Variants in CNIH3 observed in about 807,000 individuals in gnomAD.
CNIH3 encodes the protein cornichon family AMPA receptor auxiliary protein 3, also known as protein cornichon homolog 3.
Under a neutral mutation model 24.1 loss-of-function variants are expected in CNIH3, and 14 were observed. The observed-to-expected ratio is 0.58, with a 90% CI of 0.38 to 0.91. CNIH3 has a LOEUF of 0.91. Ranked by LOEUF, CNIH3 falls within the 40% of genes least tolerant of loss-of-function variation. CNIH3 has a pLI of 0.00. For synonymous variants in CNIH3, 68 were observed against 73.8 expected (o/e 0.92, Z 0.40); for missense variants, 178 against 196.8 (o/e 0.90, Z 0.57).
At chr1:224,474,396 A>T (rs1423654406) in intron 1 of CNIH3, among the ~76,000 whole-genome samples, 5 of 151,952 alleles carry the variant, frequency 3.3e-5, no homozygotes. Context: ...TTCAAGAAAA[A>T]GTTTTCTTGA....
intron 3 of CNIH3, among the ~76,000 whole-genome samples, chr1:224,603,214 T>C (rs1321885733): frequency 6.6e-6 from 1 of 152,218 alleles, no homozygotes; most frequent in Non-Finnish European, 1.5e-5. Flanking sequence ...GAGATGAACA[T>C]AGAGTAGCTC....
downstream of CNIH3, among the ~76,000 whole-genome samples, chr1:224,591,482 T>C (rs112245875): frequency 7.2e-4 from 109 of 152,332 alleles, no homozygotes; most frequent in African/African-American, 2.5e-3. Context: ...ATGAGTTTCT[T>C]GGAGGCCCAT....
At chr1:224,495,813 G>A (rs1213139764) in intron 1 of CNIH3, among the ~76,000 whole-genome samples, 1 of 152,118 alleles carries the variant, frequency 6.6e-6, no homozygotes. Flanking sequence ...CTGAGTGTGG[G>A]CATCATGGCT....
intron 1 of CNIH3, among the ~76,000 whole-genome samples, chr1:224,446,872 C>T (rs888788339): frequency 2.0e-5 from 3 of 152,062 alleles, no homozygotes; most frequent in African/African-American, 7.2e-5. Context: ...AGACTGGACC[C>T]AGCTGAGCCC....
chr1:224,445,062 C>T (rs1456409043), intron 1 of CNIH3, among the ~76,000 whole-genome samples: 1 of 151,896 alleles, frequency 6.6e-6, no homozygotes, highest in Admixed American at 6.6e-5. Context: ...AACCATCACC[C>T]AGGTCATGAA....
At position 224,684,471 on chromosome 1, in the gene CNIH3, T is replaced by C. The variant is rs1209834665; in HGVS notation, c.151-325T>C. 6.6e-6 allele frequency among the ~76,000 whole-genome samples: 1 copy of C among 152,206 alleles called. No individual in the cohort carries two copies. Among genetic ancestry groups the C allele is most frequent in the Non-Finnish European group, 1.5e-5 (1 of 68,036 alleles). On this transcript the variant is annotated intron_variant, in intron 2 of 5. Transcript: ENST00000272133. This position sits in a 1 kb window ranked among gnomAD's most constrained non-coding sequence, Gnocchi z 4.2. ...TGAACACGAGGTACCATTCAGCAGTTTGACCACCTTATACGTACATGGAGG... is the reference window on the plus strand; with the variant it reads ...TGAACACGAGGTACCATTCAGCAGTCTGACCACCTTATACGTACATGGAGG...
intron 5 of CNIH3, chr1:224,587,330 G>C (rs1274668276): frequency 4.6e-5 from 7 of 152,366 alleles, no homozygotes; most frequent in Admixed American, 4.6e-4. Flanking sequence ...CCCTGCAGTA[G>C]GACATCGGTG....
intron 2 of CNIH3, among the ~76,000 whole-genome samples, chr1:224,536,087 C>T (rs1679270367): frequency 6.6e-6 from 1 of 152,070 alleles, no homozygotes; most frequent in South Asian, 2.1e-4. Flanking sequence ...GGGTCCCCAG[C>T]AGGGATGAGG....
At chr1:224,516,687 G>A (rs537674835) in intron 1 of CNIH3, among the ~76,000 whole-genome samples, 5 of 152,310 alleles carry the variant, frequency 3.3e-5, no homozygotes, top group Middle Eastern at 3.4e-3. Flanking sequence ...CCCCTGCATG[G>A]GTCTGCACTG....
At chr1:224,532,362 G>A (rs1233847661) in intron 2 of CNIH3, among the ~76,000 whole-genome samples, 1 of 152,190 alleles carries the variant, frequency 6.6e-6, no homozygotes, top group African/African-American at 2.4e-5. Flanking sequence ...AGATGGGGGA[G>A]CCTGTGGAAG....
At chr1:224,559,481 C>T (rs564455351) in intron 3 of CNIH3, among the ~76,000 whole-genome samples, 1 of 152,264 alleles carries the variant, frequency 6.6e-6, no homozygotes, top group Non-Finnish European at 1.5e-5. Context: ...CCTCCTGCCT[C>T]AGCCTTCCAA....
At chr1:224,500,358 C>G (rs1231873846) in intron 1 of CNIH3, among the ~76,000 whole-genome samples, 1 of 152,092 alleles carries the variant, frequency 6.6e-6, no homozygotes, top group South Asian at 2.1e-4. Context: ...TGCCAGCAGC[C>G]TTCATCTCAT....
At chr1:224,537,191 C>G (rs1679321079), downstream of CNIH3, 1 of 152,226 alleles carries the variant, frequency 6.6e-6, no homozygotes, top group Non-Finnish European at 1.5e-5. Flanking sequence ...GATCTTTACC[C>G]TGAAACGGTT....
intron 2 of CNIH3, among the ~76,000 whole-genome samples, chr1:224,531,043 G>A (rs1479611542): frequency 6.6e-6 from 1 of 152,128 alleles, no homozygotes; most frequent in Admixed American, 6.5e-5. Flanking sequence ...GGGGGTTCAG[G>A]GCGTAGGGCC....
chr1:224,521,744 A>T (rs1203811315), intron 2 of CNIH3, among the ~76,000 whole-genome samples: 1 of 152,214 alleles, frequency 6.6e-6, no homozygotes, highest in Non-Finnish European at 1.5e-5. Context: ...GAACAGAGGG[A>T]TGGTGAGAAA....
At chr1:224,469,628 C>A (rs973166863) in intron 1 of CNIH3, among the ~76,000 whole-genome samples, 13 of 152,222 alleles carry the variant, frequency 8.5e-5, no homozygotes, top group Non-Finnish European at 4.4e-5. Flanking sequence ...CCGCCTCAGC[C>A]TCCCAAGTAG....
At chr1:224,685,745 T>TGA (rs762444391) in intron 3 of CNIH3, among the ~76,000 whole-genome samples, 5 of 152,190 alleles carry the variant, frequency 3.3e-5, no homozygotes, top group Non-Finnish European at 4.4e-5. Context: ...TACCTTTCAT[T>TGA]GAGAGAGAGC....
intron 1 of CNIH3, among the ~76,000 whole-genome samples, chr1:224,636,036 G>A (rs535230717): frequency 5.6e-4 from 85 of 152,240 alleles, no homozygotes; most frequent in African/African-American, 2.0e-3. Flanking sequence ...GGAATGTTTC[G>A]TTTAAGAAAA....
intron 3 of CNIH3, among the ~76,000 whole-genome samples, chr1:224,726,793 C>T (rs1433093718): frequency 1.3e-5 from 2 of 151,996 alleles, no homozygotes; most frequent in East Asian, 1.9e-4. Flanking sequence ...GGTAATAATA[C>T]ATGGCAATTC....
Sources: gnomAD v4.1 joint callset for allele counts (sites outside exome capture counted in the v4.1 genomes callset) on GRCh38, gnomAD v4.1.1 for gene constraint, Gnocchi (gnomAD v3.1) non-coding constraint, MANE v1.5 for transcripts, NCBI Gene and HGNC (gene_info 2026-07-23, HGNC 2026-07-21) for gene names.